Variants in ABCB9 observed in about 807,000 individuals in gnomAD.
ABCB9 encodes the protein ATP binding cassette subfamily B member 9.
In ABCB9, 36 loss-of-function variants were observed where a neutral mutation model predicts 62.0. That is an observed-to-expected ratio of 0.58 (90% CI 0.45 to 0.77). The LOEUF is 0.77. Among genes scored for constraint, ABCB9 ranks in the 30% least tolerant of loss-of-function variants. The pLI is 0.00. For missense variants in ABCB9, 943 were observed against 1,054.7 expected (o/e 0.89, Z 1.47); for synonymous variants, 435 against 461.4 (o/e 0.94, Z 0.73).
chr12:122,931,703 G>A, intron 11 of ABCB9: 1 of 169,620 alleles, frequency 5.9e-6, no homozygotes. Context: ...GAGTGCAGTG[G>A]CACAATCTCG....
In ABCB9 at chr12:122,959,985, A is replaced by T. The variant is rs1169554136; in HGVS notation, c.251T>A (p.Leu84Gln). ...GAAGAGGCACACGAGGGTGATGACCAGCCACGAGGCCCGCAGCCGCCGGGG... is the reference window on the plus strand; with the variant it reads ...GAAGAGGCACACGAGGGTGATGACCTGCCACGAGGCCCGCAGCCGCCGGGG... ...LGPRRLRASWLVITLVCLFVG... is the reference protein window; with the variant it reads ...LGPRRLRASWQVITLVCLFVG... Residue 84 changes from leucine (L) to glutamine (Q), a missense_variant, in exon 2 of 12, where the codon CTG (leucine) becomes CAG (glutamine). Leu to Gln is a moderately radical substitution (Grantham distance 113, BLOSUM62 -2). Transcript: ENST00000280560. This position sits in a 1 kb window ranked among gnomAD's most constrained non-coding sequence, Gnocchi z 5.4. 1 of 1,613,272 alleles carries T rather than the reference A, an allele frequency of 6.2e-7. No homozygotes were observed. Among genetic ancestry groups the T allele is most frequent in the Admixed American group, 1.7e-5 (1 of 60,028 alleles).
rs771550324 is a variant in ABCB9, at chr12:122,964,143, A to G, written c.-88+2144T>C. Among the ~76,000 whole-genome samples the G allele has an allele frequency of 1.3e-5, 2 of 152,090 alleles. No homozygotes were observed. Among genetic ancestry groups the G allele is most frequent in the Non-Finnish European group, 2.9e-5 (2 of 67,980 alleles). ...CACATGGGGTCCCTCAGTCCCCAGA[A>G]AGGGGCTCGGGCTCAGAAGTGGAAC... On this transcript the variant is annotated intron_variant, in intron 1 of 11. Transcript: ENST00000280560. The surrounding 1 kb of genome is among the most constrained non-coding windows in gnomAD (Gnocchi z 4.7).
At chr12:122,928,093 G>A (rs1004480230), downstream of ABCB9, among the ~76,000 whole-genome samples, 3 of 152,132 alleles carry the variant, frequency 2.0e-5, no homozygotes, top group African/African-American at 4.8e-5. Flanking sequence ...AAGGGTCTTT[G>A]CAGATGCAAA....
At chr12:122,938,830 A>G (rs2035588511) in intron 9 of ABCB9, among the ~76,000 whole-genome samples, 1 of 151,402 alleles carries the variant, frequency 6.6e-6, no homozygotes, top group South Asian at 2.1e-4. Context: ...TCTGTCTCCA[A>G]AAAAAAATAA....
intron 1 of ABCB9, among the ~76,000 whole-genome samples, chr12:122,974,039 A>G (rs1051763519): frequency 6.6e-6 from 1 of 152,194 alleles, no homozygotes; most frequent in South Asian, 2.1e-4. Flanking sequence ...TCTATCTCAA[A>G]AAGTAAATAA....
chr12:122,946,074 A>G lies in ABCB9; in HGVS notation c.1202T>C (p.Leu401Pro). The G allele has an allele frequency of 6.2e-7, 1 of 1,613,830 alleles. No homozygotes were observed. The highest frequency in any genetic ancestry group is 8.5e-7 in the Non-Finnish European group (1 of 1,179,982). The part of the protein sequence containing the change: ...YLRKLQQVYK[L>P]NRKEAAAYMY... ...GTAGGCAGCTGCCTCCTTCCTGTTC[A>G]GCTTGTACACCTGCTGCAGCTTCCG... The change falls in exon 6 of 12, where the codon CTG (leucine) becomes CCG (proline). Residue 401 changes from leucine to proline, a missense_variant. Leu to Pro is a moderately conservative substitution (Grantham distance 98, BLOSUM62 -3). Coordinates refer to ENST00000280560, the MANE Select transcript of ABCB9 (RefSeq NM_019625.4).
downstream of ABCB9, among the ~76,000 whole-genome samples, chr12:122,926,225 T>G (rs1375201148): frequency 1.3e-5 from 2 of 152,186 alleles, no homozygotes; most frequent in East Asian, 3.8e-4. Flanking sequence ...TTATATTGTC[T>G]GCATGTTGCT....
chr12:122,928,667 G>A (rs964995072), downstream of ABCB9, among the ~76,000 whole-genome samples: 1 of 151,946 alleles, frequency 6.6e-6, no homozygotes, highest in African/African-American at 2.4e-5. Context: ...GGTGGGTGTC[G>A]GGTGCCTGGG....
At chr12:122,934,590 G>A (rs893124223) in intron 10 of ABCB9, among the ~76,000 whole-genome samples, 3 of 149,604 alleles carry the variant, frequency 2.0e-5, no homozygotes, top group Non-Finnish European at 4.4e-5. Flanking sequence ...GCAGTGAGCC[G>A]TGATCACGCC....
intron 1 of ABCB9, among the ~76,000 whole-genome samples, 157 bp downstream of exon 1, chr12:122,966,130 C>A (rs896327530): frequency 6.6e-6 from 1 of 152,234 alleles, no homozygotes; most frequent in African/African-American, 2.4e-5. Flanking sequence ...GCTGCGGCTG[C>A]GGGCTCCGGG....
downstream of ABCB9, chr12:122,920,926 A>G: frequency 7.9e-7 from 1 of 1,270,040 alleles, no homozygotes; most frequent in African/African-American, 1.5e-5. Context: ...AAAAAAAATC[A>G]CATAAAGCGC....
rs140303524 is a variant in ABCB9 at position 122,940,262 on chromosome 12, G to T, written c.1592C>A (p.Pro531His). ...VLQNVSFSLS[P>H]GKVTALVGPS... is the part of the protein sequence containing the mutation. ...CCCCACCAGGGCCGTCACCTTGCCG[G>T]GGGACAGGCTGAAGGAGACATTCTG... The change falls in exon 9 of 12, where the codon CCC becomes CAC. Residue 531 changes from proline (P) to histidine (H), a missense_variant. Coordinates refer to ENST00000280560, the MANE Select transcript of ABCB9 (RefSeq NM_019625.4). The surrounding 1 kb of genome is among the most constrained non-coding windows in gnomAD (Gnocchi z 4.8). 1 of 1,604,996 alleles carries T rather than the reference G, an allele frequency of 6.2e-7. No individual in the cohort carries two copies. The highest frequency in any genetic ancestry group is 8.5e-7 in the Non-Finnish European group (1 of 1,174,830).
intron 1 of ABCB9, among the ~76,000 whole-genome samples, chr12:122,961,309 C>A (rs1231922002): frequency 6.6e-6 from 1 of 152,040 alleles, no homozygotes; most frequent in Non-Finnish European, 1.5e-5. Flanking sequence ...TGCCTCAGCC[C>A]CCCAAGTAGC....
chr12:122,956,948 G>A (rs949532072), intron 2 of ABCB9, among the ~76,000 whole-genome samples: 1 of 152,050 alleles, frequency 6.6e-6, no homozygotes, highest in Non-Finnish European at 1.5e-5. Flanking sequence ...ATGAGCCACC[G>A]CGCCCAGCTT....
chr12:122,940,889 G>A lies in ABCB9; in HGVS notation c.1487C>T (p.Ala496Val). ...CACCCGGCCCTCCAGGTGGTCGGGG[G>A]CCAAGCTGCCATCGTGCACCATGGT... Reference protein sequence around the residue: ...QPTMVHDGSLAPDHLEGRVDF... With the variant: ...QPTMVHDGSLVPDHLEGRVDF... The change falls in exon 8 of 12, where the codon GCC (alanine) becomes GTC (valine). Residue 496 changes from alanine to valine, a missense_variant. Ala to Val is a moderately conservative substitution (Grantham distance 64). Transcript: ENST00000280560. The surrounding 1 kb of genome is among the most constrained non-coding windows in gnomAD (Gnocchi z 4.8). The A allele has an allele frequency of 6.2e-7, 1 of 1,612,130 alleles. No homozygotes were observed.
intron 1 of ABCB9, among the ~76,000 whole-genome samples, chr12:122,963,689 A>C (rs776040383): frequency 2.0e-5 from 3 of 152,056 alleles, no homozygotes; most frequent in Non-Finnish European, 4.4e-5. Context: ...AATGCTGAGA[A>C]GGGGTCTGAG....
chr12:122,934,716 G>C (rs1021240370), intron 10 of ABCB9, among the ~76,000 whole-genome samples: 1 of 150,448 alleles, frequency 6.6e-6, no homozygotes, highest in Admixed American at 6.6e-5. Flanking sequence ...TCTTTCTTCA[G>C]TTCCCTCCTG....
intron 1 of ABCB9, 58 bp from the exon 2 acceptor site, chr12:122,960,380 G>A: frequency 1.7e-6 from 2 of 1,161,340 alleles, no homozygotes; most frequent in Non-Finnish European, 2.4e-6. Flanking sequence ...CTCGCTGGCT[G>A]TGTGACCTTG....
At chr12:122,922,263 T>C (rs190585105) in intron 11 of ABCB9, among the ~76,000 whole-genome samples, 12 of 152,308 alleles carry the variant, frequency 7.9e-5, no homozygotes, top group Admixed American at 7.2e-4. Context: ...TATTCAGAAA[T>C]GTACATAGAA....
Sources: allele counts gnomAD v4.1 joint callset (sites outside exome capture counted in the v4.1 genomes callset), GRCh38; gene constraint gnomAD v4.1.1; non-coding constraint Gnocchi (gnomAD v3.1); transcripts MANE v1.5; gene names NCBI Gene and HGNC (gene_info 2026-07-23, HGNC 2026-07-21).